The following CHRDL1 variants were observed in gnomAD, a reference collection of about 807,000 sequenced individuals.
The protein encoded by CHRDL1 is chordin-like protein 1.
A neutral mutation model predicts 40.9 loss-of-function variants in CHRDL1; 19 were observed. That is an observed-to-expected ratio of 0.46 (90% confidence interval 0.32 to 0.68). The LOEUF is 0.68. Ranked by LOEUF, CHRDL1 falls within the 30% of genes least tolerant of loss-of-function variation. The pLI, the probability that CHRDL1 is intolerant of heterozygous loss-of-function variation, is 0.03. For synonymous variants in CHRDL1, 136 were observed against 123.4 expected (o/e 1.10, Z -0.68); for missense variants, 329 against 352.1 (o/e 0.93, Z 0.53).
chrX:110,713,793 T>C (rs2148457093), intron 6 of CHRDL1, among the ~76,000 whole-genome samples: 1 of 112,765 alleles, frequency 8.9e-6, no homozygotes, highest in South Asian at 3.7e-4. Context: ...TAGAACATTG[T>C]CTGGCACATT....
intron 2 of CHRDL1, among the ~76,000 whole-genome samples, chrX:110,784,412 AC>A (rs1213336425): frequency 9.0e-6 from 1 of 111,311 alleles, no homozygotes; most frequent in Non-Finnish European, 1.9e-5. Flanking sequence ...AAAATTATAT[AC>A]TGAGTGTTTT....
chrX:110,679,333 T>C lies in CHRDL1; in HGVS notation c.1246+3A>G. The C allele has an allele frequency of 8.5e-7, 1 of 1,170,223 alleles. No individual in the cohort carries two copies. The highest frequency in any genetic ancestry group is 1.8e-5 in the South Asian group (1 of 55,976). On this transcript the variant is annotated splice_donor_region_variant and intron_variant, in intron 11 of 11. Transcript: ENST00000372042. ...GGGAGCAGTCAAGAGAAGTACTACT[T>C]ACTCAGGGTTGTTCTGGTCACCAGC...
chrX:110,747,306 C>T (rs911169359), intron 4 of CHRDL1, among the ~76,000 whole-genome samples: 2 of 109,410 alleles, frequency 1.8e-5, no homozygotes, highest in African/African-American at 6.7e-5. Context: ...CAAGAGCCCA[C>T]TTAGAGGACA....
At chrX:110,724,855 T>A (rs930836909) in intron 4 of CHRDL1, among the ~76,000 whole-genome samples, 1 of 111,646 alleles carries the variant, frequency 9.0e-6, no homozygotes, top group Non-Finnish European at 1.9e-5. Context: ...GCATGCTTCC[T>A]AACTGCAGAA....
At chrX:110,715,675 G>T (rs1319017612) in intron 6 of CHRDL1, among the ~76,000 whole-genome samples, 1 of 112,139 alleles carries the variant, frequency 8.9e-6, no homozygotes, top group Non-Finnish European at 1.9e-5. Flanking sequence ...GCAGTGACAT[G>T]TCTTTTCACT....
intron 4 of CHRDL1, among the ~76,000 whole-genome samples, chrX:110,749,693 A>G (rs748702836): frequency 1.8e-5 from 2 of 111,985 alleles, no homozygotes; most frequent in African/African-American, 3.2e-5. Context: ...AATCACTTTT[A>G]GGGAATAGCT....
intron 2 of CHRDL1, among the ~76,000 whole-genome samples, chrX:110,789,337 G>A (rs2090063973): frequency 8.9e-6 from 1 of 111,754 alleles, no homozygotes; most frequent in Non-Finnish European, 1.9e-5. Context: ...CATAGATGGT[G>A]GGAGCATAAA....
chrX:110,694,184 T>G lies in CHRDL1; in HGVS notation c.757A>C (p.Asn253His), dbSNP rs1569463896. 1.4e-5 allele frequency: 17 copies of G among 1,209,803 alleles called. No homozygotes were observed. The highest frequency in any genetic ancestry group is 1.8e-5 in the Non-Finnish European group (16 of 893,800). The change falls in exon 8 of 12, where the codon AAC (asparagine) becomes CAC (histidine). Residue 253 changes from asparagine (N) to histidine (H), a missense_variant. Transcript: ENST00000372042. ...TTACCTTGTCCATGCTTGTGTTTGT[T>G]ATTGATGACAATTTGCACAATGGTT... ...SGTIVQIVIN[N>H]KHKHGQVCVS...
chrX:110,682,598 T>C (rs1422324564), intron 9 of CHRDL1, among the ~76,000 whole-genome samples: 1 of 112,483 alleles, frequency 8.9e-6, no homozygotes, highest in Non-Finnish European at 1.9e-5. Context: ...ATCTGAATTG[T>C]TGAGGATGAA....
At chrX:110,794,463 C>A (rs772142418) in intron 1 of CHRDL1, among the ~76,000 whole-genome samples, 2 of 112,160 alleles carry the variant, frequency 1.8e-5, no homozygotes, top group Non-Finnish European at 3.8e-5. Flanking sequence ...AAAAACAAAA[C>A]CCTGCAACTA....
chrX:110,681,490 A>G lies in CHRDL1; in HGVS notation c.1148T>C (p.Ile383Thr). ...AATGTTGTCTTGCTCACCCTTTCGA[A>G]TAGTCCAAACGTGGACCTCTACCTG... ...PPQVEVHVWT[I>T]RKGILQHFHI... The change falls in exon 10 of 12, where the codon ATT becomes ACT. Residue 383 changes from isoleucine (I) to threonine (T), a missense_variant. Transcript: ENST00000372042. The G allele has an allele frequency of 2.5e-6, 3 of 1,206,880 alleles. No individual in the cohort carries two copies. Among genetic ancestry groups the G allele is most frequent in the East Asian group, 5.9e-5 (2 of 33,821 alleles).
At chrX:110,758,095 C>T (rs1295665221) in intron 4 of CHRDL1, among the ~76,000 whole-genome samples, 1 of 84,736 alleles carries the variant, frequency 1.2e-5, no homozygotes, top group Non-Finnish European at 2.4e-5. Context: ...GCAGGTTAAC[C>T]AAAAAACAAA....
intron 1 of CHRDL1, among the ~76,000 whole-genome samples, chrX:110,794,552 G>A (rs2090153131): frequency 8.9e-6 from 1 of 112,517 alleles, no homozygotes; most frequent in African/African-American, 3.2e-5. Flanking sequence ...CCAAAAGAAA[G>A]GTATTTATTA....
Position 110,676,313 on chromosome X carries a change from C to T in CHRDL1, c.1295G>A (p.Cys432Tyr). The change falls in exon 12 of 12, where the codon TGT becomes TAT. Residue 432 changes from cysteine (C) to tyrosine (Y), a missense_variant. Physicochemically the swap from Cys to Tyr is radical, Grantham distance 194. Transcript: ENST00000372042. ...CTCTGTTCTGCATACACGACTTGAA[C>T]ACATCTGGCTGATCTGAGCTTCTCC... ...TEGEAQISQM[C>Y]SSRVCRTELE... The T allele has an allele frequency of 4.1e-6, 5 of 1,209,381 alleles. No homozygotes were observed. The highest frequency in any genetic ancestry group is 5.6e-6 in the Non-Finnish European group (5 of 893,438).
intron 2 of CHRDL1, among the ~76,000 whole-genome samples, chrX:110,776,031 C>T (rs765726297): frequency 8.9e-6 from 1 of 111,991 alleles, no homozygotes; most frequent in East Asian, 2.8e-4. Flanking sequence ...TCCCTCCCTT[C>T]CATTCCTTAT....
intron 4 of CHRDL1, among the ~76,000 whole-genome samples, chrX:110,748,707 C>A (rs2089300213): frequency 8.9e-6 from 1 of 112,370 alleles, no homozygotes; most frequent in South Asian, 3.7e-4. Context: ...ACCTTAAAGA[C>A]ATTATGCTAA....
intron 9 of CHRDL1, among the ~76,000 whole-genome samples, chrX:110,682,850 C>T (rs1380581813): frequency 1.3e-4 from 15 of 111,557 alleles, no homozygotes; most frequent in Non-Finnish European, 2.6e-4. Flanking sequence ...TTTTTGTTTT[C>T]CTCCTTTTGT....
At chrX:110,768,218 T>A (rs1477635959) in intron 2 of CHRDL1, among the ~76,000 whole-genome samples, 1 of 112,298 alleles carries the variant, frequency 8.9e-6, no homozygotes, top group Non-Finnish European at 1.9e-5. Flanking sequence ...CATGTTAACA[T>A]CACTCAATCA....
At chrX:110,702,777 A>C (rs2070542094) in intron 6 of CHRDL1, among the ~76,000 whole-genome samples, 1 of 111,234 alleles carries the variant, frequency 9.0e-6, no homozygotes, top group South Asian at 3.9e-4. Flanking sequence ...TTACTATCTT[A>C]TATTTCTTAT....
Sources: gnomAD v4.1 joint callset for allele counts (sites outside exome capture counted in the v4.1 genomes callset) on GRCh38, gnomAD v4.1.1 for gene constraint, MANE v1.5 for transcripts, NCBI Gene and HGNC (gene_info 2026-07-23, HGNC 2026-07-21) for gene names.